Variants in COL21A1 observed in about 807,000 individuals in gnomAD.
COL21A1 encodes the protein collagen type XXI alpha 1 chain.
COL21A1 carries 149 observed loss-of-function variants against 137.9 expected under a neutral mutation model. The ratio of observed to expected loss-of-function variants is 1.08; its 90% CI spans 0.95 to 1.24. The LOEUF is 1.24. COL21A1 is among the 50% of genes most tolerant of loss of function. COL21A1 has a pLI of 0.00. For synonymous variants in COL21A1, 456 were observed against 391.5 expected (o/e 1.16, Z -1.95); for missense variants, 1,167 against 1,158.4 (o/e 1.01, Z -0.11).
intron 1 of COL21A1, among the ~76,000 whole-genome samples, chr6:56,241,147 C>T (rs1291034799): frequency 1.3e-5 from 2 of 152,110 alleles, no homozygotes; most frequent in Admixed American, 1.3e-4. Flanking sequence ...GCCTTAACTC[C>T]CAACATGGTG....
intron 1 of COL21A1, among the ~76,000 whole-genome samples, chr6:56,327,234 G>T (rs1765116670): frequency 6.6e-6 from 1 of 151,380 alleles, no homozygotes; most frequent in South Asian, 2.1e-4. Flanking sequence ...TTATGTGTGA[G>T]TAGAAATAAA....
At chr6:56,368,407 C>A (rs1029459719) in intron 1 of COL21A1, among the ~76,000 whole-genome samples, 6 of 152,150 alleles carry the variant, frequency 3.9e-5, no homozygotes, top group Admixed American at 6.5e-5. Context: ...ACACTTCTTT[C>A]ATAAGATAAT....
At chr6:56,206,422 A>T (rs1029808305) in intron 1 of COL21A1, among the ~76,000 whole-genome samples, 1 of 152,076 alleles carries the variant, frequency 6.6e-6, no homozygotes, top group African/African-American at 2.4e-5. Flanking sequence ...AAAGGGCTCA[A>T]TGCAATAAGA....
In COL21A1 at chr6:56,056,835, A is replaced by C. The variant is rs1765386752; in HGVS notation, c.*822T>G. On this transcript the variant is annotated 3_prime_UTR_variant, in exon 30 of 30. Coordinates refer to ENST00000244728, the MANE Select transcript of COL21A1 (RefSeq NM_030820.4). Reference sequence around the variant, plus strand: ...CATTAGCTTTGCTACAATGAAAATTAACATATATGGACATACACATATAAG... The same window carrying C: ...CATTAGCTTTGCTACAATGAAAATTCACATATATGGACATACACATATAAG... The C allele has an allele frequency of 2.6e-5, 4 of 152,220 alleles. No homozygotes were observed. The highest frequency in any genetic ancestry group is 2.6e-4 in the Admixed American group (4 of 15,268). The allele number at this position is 152,220 out of a possible 1,614,324, so 9.4% of individuals were successfully genotyped here. A position where few individuals can be genotyped will look rare whatever the true frequency, so the allele number is the denominator to read the frequency against.
At chr6:56,351,223 A>T (rs1421819039) in intron 1 of COL21A1, among the ~76,000 whole-genome samples, 1 of 152,248 alleles carries the variant, frequency 6.6e-6, no homozygotes, top group East Asian at 1.9e-4. Flanking sequence ...TCTTGGTTGT[A>T]TTCTTTGAAG....
chr6:56,356,827 T>C (rs1358971299), intron 1 of COL21A1, among the ~76,000 whole-genome samples: 1 of 152,178 alleles, frequency 6.6e-6, no homozygotes, highest in African/African-American at 2.4e-5. Flanking sequence ...TCCACAATAC[T>C]GAAGCAATCA....
intron 1 of COL21A1, among the ~76,000 whole-genome samples, chr6:56,335,856 G>A (rs1160939343): frequency 6.6e-6 from 1 of 152,140 alleles, no homozygotes; most frequent in Non-Finnish European, 1.5e-5. Context: ...TTCTTCCAAG[G>A]TAATTGCCAA....
intron 1 of COL21A1, among the ~76,000 whole-genome samples, chr6:56,346,196 G>A (rs1765593590): frequency 1.3e-5 from 2 of 152,176 alleles, no homozygotes; most frequent in South Asian, 2.1e-4. Context: ...ACCCTAGAAA[G>A]TTTCCTCAAG....
intron 1 of COL21A1, among the ~76,000 whole-genome samples, chr6:56,260,797 A>G (rs1203280647): frequency 1.3e-5 from 2 of 149,120 alleles, no homozygotes; most frequent in African/African-American, 5.0e-5. Flanking sequence ...AGTGGAAGAC[A>G]ATTTTGTATT....
intron 1 of COL21A1, among the ~76,000 whole-genome samples, chr6:56,238,071 A>C (rs1241655250): frequency 1.3e-5 from 2 of 152,150 alleles, no homozygotes; most frequent in Admixed American, 1.3e-4. Flanking sequence ...ATCTGACCAC[A>C]TATTCCAATT....
At chr6:56,116,091 G>A (rs1374676170) in intron 16 of COL21A1, among the ~76,000 whole-genome samples, 4 of 151,974 alleles carry the variant, frequency 2.6e-5, no homozygotes, top group African/African-American at 7.2e-5. Flanking sequence ...AAAGAGATAG[G>A]AGGTAGAAAC....
intron 25 of COL21A1, among the ~76,000 whole-genome samples, 154 bp downstream of exon 25, chr6:56,061,495 C>G (rs1765795929): frequency 6.6e-6 from 1 of 152,074 alleles, no homozygotes; most frequent in Non-Finnish European, 1.5e-5. Flanking sequence ...TGTACATATT[C>G]TGAAAACAAT....
intron 17 of COL21A1, chr6:56,091,488 T>C (rs1323745330): frequency 6.6e-6 from 1 of 152,596 alleles, no homozygotes; most frequent in Non-Finnish European, 1.5e-5. Flanking sequence ...TTAAGAAATA[T>C]GCACTCACCT....
intron 1 of COL21A1, among the ~76,000 whole-genome samples, chr6:56,386,447 C>T (rs1269145968): frequency 2.6e-5 from 4 of 152,124 alleles, no homozygotes; most frequent in Non-Finnish European, 4.4e-5. Context: ...GATTTTTTTA[C>T]TATACCTAGG....
chr6:56,148,338 C>CAGAGAGAGAGAG (rs150898619), intron 10 of COL21A1, among the ~76,000 whole-genome samples: 4,806 of 133,226 alleles, frequency 0.036, 142 homozygotes, highest in East Asian at 0.051. Context: ...AGACAAGAGA[C>CAGAGAGAGAGAG]AGAGAGAGAG....
intron 21 of COL21A1, among the ~76,000 whole-genome samples, chr6:56,070,127 A>C (rs184281607): frequency 1.3e-3 from 202 of 151,718 alleles, no homozygotes; most frequent in African/African-American, 4.7e-3. Flanking sequence ...CATAATCCTG[A>C]ACATGCTTCA....
At chr6:56,123,251 A>C (rs1328865761) in intron 16 of COL21A1, among the ~76,000 whole-genome samples, 4 of 152,202 alleles carry the variant, frequency 2.6e-5, no homozygotes, top group South Asian at 2.1e-4. Flanking sequence ...GGAACCAATG[A>C]CTTTAAAATG....
intron 14 of COL21A1, among the ~76,000 whole-genome samples, chr6:56,124,618 A>G (rs1424779420): frequency 7.0e-6 from 1 of 142,294 alleles, no homozygotes; most frequent in Non-Finnish European, 1.5e-5. Flanking sequence ...ATCAAATTTC[A>G]GTGGACATGT....
chr6:56,066,037 C>G (rs386469181), intron 23 of COL21A1, among the ~76,000 whole-genome samples: 1 of 151,686 alleles, frequency 6.6e-6, no homozygotes, highest in African/African-American at 2.4e-5. Flanking sequence ...GAGTACGAAG[C>G]GGTTTATGGG....
Sources: allele counts gnomAD v4.1 joint callset (sites outside exome capture counted in the v4.1 genomes callset), GRCh38; gene constraint gnomAD v4.1.1; transcripts MANE v1.5; gene names NCBI Gene and HGNC (gene_info 2026-07-23, HGNC 2026-07-21).